The following ADAMTSL1 variants were observed in gnomAD, a reference collection of about 807,000 sequenced individuals.
ADAMTSL1 encodes ADAMTS-like protein 1.
ADAMTSL1 carries 126 observed loss-of-function variants against 201.8 expected under a neutral mutation model. The ratio of observed to expected loss-of-function variants is 0.62; its 90% CI spans 0.54 to 0.72. The LOEUF (loss-of-function observed/expected upper bound fraction) is 0.72. Among genes scored for constraint, ADAMTSL1 ranks in the 30% least tolerant of loss-of-function variants. The probability of loss-of-function intolerance (pLI) is 0.00; values close to 1 mark genes in which losing one functional copy is unlikely to be tolerated. For synonymous variants in ADAMTSL1, 1,121 were observed against 903.4 expected (o/e 1.24, Z -4.32); for missense variants, 2,679 against 2,277.8 (o/e 1.18, Z -3.59).
intron 15 of ADAMTSL1, among the ~76,000 whole-genome samples, chr9:18,748,711 T>C (rs1387367821): frequency 6.6e-6 from 1 of 152,208 alleles, no homozygotes; most frequent in Non-Finnish European, 1.5e-5. Flanking sequence ...AGTTTTTCAC[T>C]GCATACTACT....
At chr9:18,715,835 C>T (rs201148526) in intron 14 of ADAMTSL1, among the ~76,000 whole-genome samples, 2 of 151,888 alleles carry the variant, frequency 1.3e-5, no homozygotes, top group South Asian at 2.1e-4. Flanking sequence ...GACTTCAAGC[C>T]ATACTACAAG....
At chr9:17,987,101 T>A (rs746179017) in intron 1 of ADAMTSL1, among the ~76,000 whole-genome samples, 4 of 152,114 alleles carry the variant, frequency 2.6e-5, no homozygotes, top group Non-Finnish European at 2.9e-5. Flanking sequence ...TTCTTTTATA[T>A]CATGTCTCTC....
At chr9:18,625,155 A>G (rs1390924902) in intron 5 of ADAMTSL1, among the ~76,000 whole-genome samples, 1 of 152,228 alleles carries the variant, frequency 6.6e-6, no homozygotes, top group Non-Finnish European at 1.5e-5. Flanking sequence ...GAGTCCTGCC[A>G]GATCTCTCCC....
At chr9:18,470,528 C>A (rs1147794), upstream of ADAMTSL1, among the ~76,000 whole-genome samples, 150,276 of 152,294 alleles carry the variant, frequency 0.99, 74,166 homozygotes, top group East Asian at 1. Flanking sequence ...GAGATTAGGC[C>A]CTGCCTAGCT....
At chr9:18,180,946 C>G (rs1256516659) in intron 2 of ADAMTSL1, among the ~76,000 whole-genome samples, 1 of 152,144 alleles carries the variant, frequency 6.6e-6, no homozygotes, top group East Asian at 1.9e-4. Context: ...CGATATTGAT[C>G]AATGGAACAG....
rs533087480 is a variant in ADAMTSL1 at position 18,273,722 on chromosome 9, A to G, written c.207+109741A>G. On this transcript the variant is annotated intron_variant, in intron 2 of 29. Transcript: ENST00000680146. ...CAAATTCAGATTCATTTCACTCACA[A>G]TGCCAACCATGTGGTCAACTTCATC... Among the ~76,000 whole-genome samples, 9 of 152,304 alleles carry G rather than the reference A, an allele frequency of 5.9e-5. No individual in the cohort carries two copies. In the South Asian group the frequency reaches 1.9e-3, roughly 32 times the overall value.
chr9:18,311,102 G>A (rs1563877646), intron 2 of ADAMTSL1, among the ~76,000 whole-genome samples: 1 of 151,748 alleles, frequency 6.6e-6, no homozygotes, highest in Non-Finnish European at 1.5e-5. Flanking sequence ...AGTAACACAG[G>A]AACAGAAAAC....
chr9:18,739,921 GT>G (rs1818723403), intron 15 of ADAMTSL1, among the ~76,000 whole-genome samples: 1 of 151,978 alleles, frequency 6.6e-6, no homozygotes, highest in Non-Finnish European at 1.5e-5. Flanking sequence ...GTGTGTGTGT[GT>G]GTGTGTGTGT....
At chr9:18,299,547 G>A (rs1833615515) in intron 2 of ADAMTSL1, among the ~76,000 whole-genome samples, 1 of 152,162 alleles carries the variant, frequency 6.6e-6, no homozygotes, top group Non-Finnish European at 1.5e-5. Flanking sequence ...GAGAACACAA[G>A]GAACAGGCTT....
At chr9:17,946,540 G>C (rs1827493189) in intron 1 of ADAMTSL1, among the ~76,000 whole-genome samples, 1 of 151,984 alleles carries the variant, frequency 6.6e-6, no homozygotes, top group Non-Finnish European at 1.5e-5. Context: ...TAAATTTAGA[G>C]GCTGTGAAAT....
At chr9:18,327,972 A>G (rs1018347547) in intron 2 of ADAMTSL1, among the ~76,000 whole-genome samples, 7 of 152,174 alleles carry the variant, frequency 4.6e-5, no homozygotes, top group African/African-American at 1.7e-4. Context: ...CCTGTTTTAA[A>G]GTAACATATA....
At chr9:18,687,868 T>A (rs1587900289) in intron 13 of ADAMTSL1, among the ~76,000 whole-genome samples, 1 of 152,302 alleles carries the variant, frequency 6.6e-6, no homozygotes, top group East Asian at 1.9e-4. Context: ...ACATTGTGGT[T>A]GCAGTAAACA....
At chr9:18,788,703 C>A (rs1821852044) in intron 19 of ADAMTSL1, among the ~76,000 whole-genome samples, 2 of 152,178 alleles carry the variant, frequency 1.3e-5, no homozygotes, top group African/African-American at 4.8e-5. Flanking sequence ...CAGAAAAATA[C>A]CCATTTTAGG....
intron 2 of ADAMTSL1, among the ~76,000 whole-genome samples, chr9:18,213,315 G>C (rs75915897): frequency 0.015 from 2,218 of 152,242 alleles, 62 homozygotes; most frequent in African/African-American, 0.05. Flanking sequence ...TGATTCATTG[G>C]AACTGTGATG....
intron 3 of ADAMTSL1, among the ~76,000 whole-genome samples, chr9:18,556,986 A>G (rs1394179475): frequency 6.6e-6 from 1 of 151,954 alleles, no homozygotes; most frequent in African/African-American, 2.4e-5. Context: ...GAACTTGGGT[A>G]TCTGTAGGAG....
chr9:18,653,303 C>A lies in ADAMTSL1; in HGVS notation c.835-4336C>A, dbSNP rs529025501. Among the ~76,000 whole-genome samples the A allele has an allele frequency of 4.6e-5, 7 of 152,344 alleles. No individual in the cohort carries two copies. In the South Asian group the frequency reaches 1.2e-3, roughly 27 times the overall value. ...TTGGTTTCCTGTCCTCCTCCTCCAT[C>A]TGACCACTGGGACAATCCTTCAGGA... On this transcript the variant is annotated intron_variant, in intron 7 of 28. Coordinates refer to ENST00000380548, the MANE Select transcript of ADAMTSL1 (RefSeq NM_001040272.6).
intron 2 of ADAMTSL1, among the ~76,000 whole-genome samples, chr9:18,409,505 A>G (rs1002892139): frequency 5.9e-5 from 9 of 151,772 alleles, no homozygotes; most frequent in African/African-American, 2.2e-4. Context: ...ATATACTTCC[A>G]TTTGCATGCC....
intron 2 of ADAMTSL1, among the ~76,000 whole-genome samples, chr9:18,210,161 G>A (rs1829808139): frequency 6.6e-6 from 1 of 151,588 alleles, no homozygotes; most frequent in Non-Finnish European, 1.5e-5. Flanking sequence ...AAGAGAATGA[G>A]CACATACATA....
intron 2 of ADAMTSL1, among the ~76,000 whole-genome samples, chr9:18,280,572 C>A (rs780056016): frequency 6.6e-6 from 1 of 152,068 alleles, no homozygotes; most frequent in African/African-American, 2.4e-5. Flanking sequence ...GTTAAGCCTT[C>A]TTTAATTTAT....
Sources: gnomAD v4.1 joint callset for allele counts (sites outside exome capture counted in the v4.1 genomes callset) on GRCh38, gnomAD v4.1.1 for gene constraint, MANE v1.5 for transcripts, NCBI Gene and HGNC (gene_info 2026-07-23, HGNC 2026-07-21) for gene names.